Variants in RPS6KA5 observed in about 807,000 individuals in gnomAD.
RPS6KA5 encodes ribosomal protein S6 kinase A5.
A neutral mutation model predicts 85.5 loss-of-function variants in RPS6KA5; 27 were observed. The ratio of observed to expected loss-of-function variants is 0.32; its 90% CI spans 0.23 to 0.44. RPS6KA5 has a LOEUF of 0.44. Among genes scored for constraint, RPS6KA5 ranks in the 20% least tolerant of loss-of-function variants. The pLI is 1.00. For synonymous variants in RPS6KA5, 334 were observed against 348.2 expected, an observed-to-expected ratio of 0.96 and a Z score of 0.46; for missense variants, 811 against 980.9, an observed-to-expected ratio of 0.83 and a Z score of 2.31.
Position 90,854,826 on chromosome 14 carries a change from A to G in RPS6KA5, c.*17248T>C, listed in dbSNP as rs533946339. ...CAAAATATATTATTAAAAAATGTCA[A>G]TACCTAGTTACTTCAAAAAATACCT... On this transcript the variant is annotated 3_prime_UTR_variant, in exon 17 of 17. Coordinates refer to ENST00000614987, the MANE Select transcript of RPS6KA5 (RefSeq NM_004755.4). 7 of 152,332 alleles carry G rather than the reference A, an allele frequency of 4.6e-5. 1 individual carries two copies. Among genetic ancestry groups the G allele is most frequent in the African/African-American group, 1.2e-4 (5 of 41,580 alleles). The allele number at this position is 152,332 out of a possible 1,614,324, so 9.4% of individuals were successfully genotyped here. A position where few individuals can be genotyped will look rare whatever the true frequency, so the allele number is the denominator to read the frequency against.
Position 91,005,614 on chromosome 14 carries a change from C to T in RPS6KA5, c.104-4455G>A, listed in dbSNP as rs181176534. On this transcript the variant is annotated intron_variant, in intron 1 of 16. Transcript: ENST00000614987. ...ATATCATATTATATAGAATCCTAAG[C>T]AATAAAAAACACATATTTGAGCATG... 2.6e-5 allele frequency among the ~76,000 whole-genome samples: 4 copies of T among 152,066 alleles called. No individual in the cohort carries two copies. In the East Asian group the frequency reaches 7.7e-4, roughly 29 times the overall value.
At position 90,851,013 on chromosome 14, in the gene RPS6KA5, T is replaced by C. The variant is rs533324289; in HGVS notation, c.*21061A>G. 6.6e-6 allele frequency: 1 copy of C among 152,330 alleles called. No homozygotes were observed. Among genetic ancestry groups the C allele is most frequent in the South Asian group, 2.1e-4 (1 of 4,830 alleles). The allele number at this position is 152,330 out of a possible 1,614,324, so 9.4% of individuals were successfully genotyped here. ...CTTCAAAATGCTAGTCAATATTCACTACAGAGAAGTGGGTAAAGATACTTT... is the reference window on the plus strand; with the variant it reads ...CTTCAAAATGCTAGTCAATATTCACCACAGAGAAGTGGGTAAAGATACTTT... On this transcript the variant is annotated 3_prime_UTR_variant, in exon 17 of 17. Coordinates refer to ENST00000614987, the MANE Select transcript of RPS6KA5 (RefSeq NM_004755.4).
chr14:90,966,457 T>G (rs1172956700), intron 3 of RPS6KA5, among the ~76,000 whole-genome samples: 1 of 152,096 alleles, frequency 6.6e-6, no homozygotes, highest in African/African-American at 2.4e-5. Flanking sequence ...GATGTTTGAG[T>G]AGGGGGAAGA....
intron 1 of RPS6KA5, among the ~76,000 whole-genome samples, chr14:91,020,919 G>T (rs1400890963): frequency 1.3e-5 from 2 of 151,718 alleles, no homozygotes; most frequent in Admixed American, 1.3e-4. Context: ...CATCATTCAG[G>T]TTATGCATGT....
At chr14:90,974,186 AG>A (rs899037770) in intron 3 of RPS6KA5, among the ~76,000 whole-genome samples, 5 of 152,194 alleles carry the variant, frequency 3.3e-5, no homozygotes, top group Admixed American at 6.5e-5. Flanking sequence ...ATCGGATAAT[AG>A]GTTTCTCCTA....
At position 90,919,013 on chromosome 14, in the gene RPS6KA5, T is replaced by C. The variant is rs536150509; in HGVS notation, c.806+1193A>G. The stretch of plus-strand genomic sequence containing the variant: ...AATGCCTGCTGGAAATGTGAATGCA[T>C]TGAATCTACAGTTCAATTTGGCAAG... On this transcript the variant is annotated intron_variant, in intron 7 of 16. Transcript: ENST00000614987. Among the ~76,000 whole-genome samples the C allele has an allele frequency of 1.5e-4, 23 of 152,330 alleles. No homozygotes were observed. In the South Asian group the frequency reaches 4.6e-3, roughly 30 times the overall value.
rs2036337843 is a variant in RPS6KA5 at position 90,920,309 on chromosome 14, C to T, written c.703G>A (p.Ala235Thr). Reference protein sequence around the residue: ...VRGGDSGHDKAVDWWSLGVLM... With the variant: ...VRGGDSGHDKTVDWWSLGVLM... ...ACACCCAAACTCCACCAGTCAACTG[C>T]CTATAAAACAACAATAATTTCATTT... Residue 235 changes from alanine to threonine, a missense_variant and splice_region_variant, in exon 7 of 17, where the codon GCA (alanine) becomes ACA (threonine). Ala to Thr is a moderately conservative substitution (Grantham distance 58). This residue lies in a region of RPS6KA5 where 650 missense variants were observed against 793.4 expected (regional missense o/e 0.82). Transcript: ENST00000614987. The T allele has an allele frequency of 6.4e-7, 1 of 1,561,004 alleles. No homozygotes were observed. Among genetic ancestry groups the T allele is most frequent in the African/African-American group, 1.4e-5 (1 of 73,570 alleles).
chr14:90,931,462 T>C (rs192834038), intron 5 of RPS6KA5, among the ~76,000 whole-genome samples: 1 of 152,266 alleles, frequency 6.6e-6, no homozygotes, highest in South Asian at 2.1e-4. Context: ...ATGAGTATTA[T>C]TAAAGCTGCT....
chr14:90,930,315 G>T (rs2036908753), intron 5 of RPS6KA5, among the ~76,000 whole-genome samples: 1 of 152,168 alleles, frequency 6.6e-6, no homozygotes, highest in South Asian at 2.1e-4. Context: ...AATAAGAAGA[G>T]AAAAGATTAA....
chr14:90,894,769 T>C (rs913927912), intron 12 of RPS6KA5, among the ~76,000 whole-genome samples, 186 bp from the exon 13 acceptor site: 1 of 152,218 alleles, frequency 6.6e-6, no homozygotes, highest in Non-Finnish European at 1.5e-5. Flanking sequence ...TAATTCTATT[T>C]TGGTAATGGA....
At chr14:90,988,213 T>C (rs1217049348) in intron 2 of RPS6KA5, among the ~76,000 whole-genome samples, 1 of 152,232 alleles carries the variant, frequency 6.6e-6, no homozygotes, top group African/African-American at 2.4e-5. Flanking sequence ...CTCTATTTAC[T>C]GCAGGACACA....
chr14:90,970,060 G>A (rs569407243), intron 3 of RPS6KA5, among the ~76,000 whole-genome samples: 1 of 151,946 alleles, frequency 6.6e-6, no homozygotes, highest in South Asian at 2.1e-4. Context: ...TAGTCTTAAC[G>A]TGACATGCCA....
intron 9 of RPS6KA5, among the ~76,000 whole-genome samples, chr14:90,901,326 C>A (rs2035157422): frequency 6.6e-6 from 1 of 152,168 alleles, no homozygotes; most frequent in Admixed American, 6.5e-5. Flanking sequence ...GATCAACCCA[C>A]CTCGGCCTCC....
At chr14:90,891,361 C>G (rs2034546834) in intron 13 of RPS6KA5, among the ~76,000 whole-genome samples, 1 of 151,640 alleles carries the variant, frequency 6.6e-6, no homozygotes, top group African/African-American at 2.4e-5. Context: ...TTCAAATATT[C>G]AGAAAACATT....
Position 90,871,913 on chromosome 14 carries a change from T to A in RPS6KA5, c.*161A>T, listed in dbSNP as rs1409338347. On this transcript the variant is annotated 3_prime_UTR_variant, in exon 17 of 17. Coordinates refer to ENST00000614987, the MANE Select transcript of RPS6KA5 (RefSeq NM_004755.4). ...CACAGTAACATTCTCTGTCCAGTGC[T>A]TTTGAATGAGGATAACCAAACAGGT... 2 of 882,904 alleles carry A rather than the reference T, an allele frequency of 2.3e-6. No individual in the cohort carries two copies. Among genetic ancestry groups the A allele is most frequent in the African/African-American group, 3.4e-5 (2 of 59,682 alleles). 54.7% of individuals were successfully genotyped at this position (882,904 alleles called of 1,614,324 possible).
At chr14:90,877,849 T>C (rs187768745) in intron 14 of RPS6KA5, among the ~76,000 whole-genome samples, 2 of 152,338 alleles carry the variant, frequency 1.3e-5, no homozygotes. Flanking sequence ...TAACTTCTCT[T>C]AGACCATTTC....
At chr14:91,021,750 T>A (rs2041791394) in intron 1 of RPS6KA5, among the ~76,000 whole-genome samples, 1 of 152,174 alleles carries the variant, frequency 6.6e-6, no homozygotes, top group African/African-American at 2.4e-5. Context: ...TGTCCCAGAT[T>A]TGGTCACTGG....
At position 90,978,352 on chromosome 14, in the gene RPS6KA5, T is replaced by C. The variant is rs1325197470; in HGVS notation, c.348A>G (p.Thr116=). 9.9e-6 allele frequency: 16 copies of C among 1,613,346 alleles called. No homozygotes were observed. The highest frequency in any genetic ancestry group is 1.3e-5 in the Non-Finnish European group (15 of 1,179,814). Residue 116 remains threonine (T), a synonymous_variant, in exon 3 of 17, where the codon ACA becomes ACG. Coordinates refer to ENST00000614987, the MANE Select transcript of RPS6KA5 (RefSeq NM_004755.4). ...EHIRQSPFLV[T]LHYAFQTETK... is the part of the protein sequence containing the mutation. The stretch of plus-strand genomic sequence containing the variant: ...TTTCTGTCTGGAAAGCATAATGTAA[T>C]GTTACCAAAAATGGCGACTGCCTAA...
intron 4 of RPS6KA5, among the ~76,000 whole-genome samples, chr14:90,945,196 G>A (rs2037810372): frequency 6.6e-6 from 1 of 151,898 alleles, no homozygotes; most frequent in African/African-American, 2.4e-5. Flanking sequence ...AGGCTGCAGT[G>A]AGCTGTGATC....
Sources: allele counts gnomAD v4.1 joint callset (sites outside exome capture counted in the v4.1 genomes callset), GRCh38; gene constraint gnomAD v4.1.1; regional missense constraint gnomAD v4.1.1; transcripts MANE v1.5; gene names NCBI Gene and HGNC (gene_info 2026-07-23, HGNC 2026-07-21).